Variants in SPRY3 observed in about 807,000 individuals in gnomAD.
SPRY3 encodes protein sprouty homolog 3.
Under a neutral mutation model 20.2 loss-of-function variants are expected in SPRY3, and 15 were observed. The observed-to-expected ratio is 0.74, with a 90% CI of 0.50 to 1.14. The LOEUF (loss-of-function observed/expected upper bound fraction) is 1.14. Among genes scored for constraint, SPRY3 ranks in the 50% most tolerant of loss-of-function variants. The pLI, the probability that SPRY3 is intolerant of heterozygous loss-of-function variation, is 0.00. For synonymous variants in SPRY3, 143 were observed against 136.5 expected (o/e 1.05, Z -0.33); for missense variants, 364 against 363.9 (o/e 1.00, Z 0.00).
chrX:155,674,975 G>A (rs2068054931), intron 2 of SPRY3, among the ~76,000 whole-genome samples: 2 of 111,484 alleles, frequency 1.8e-5, no homozygotes, highest in Non-Finnish European at 3.8e-5. Flanking sequence ...TGCCCTTATG[G>A]AGCTTATAAT....
intron 2 of SPRY3, among the ~76,000 whole-genome samples, chrX:155,747,535 C>T (rs1304410636): frequency 1.3e-5 from 2 of 151,902 alleles, no homozygotes; most frequent in African/African-American, 2.4e-5. Context: ...AAATATTGCC[C>T]ACTCTTTTAA....
intron 1 of SPRY3, among the ~76,000 whole-genome samples, chrX:155,652,386 T>C: frequency 9.0e-6 from 1 of 111,277 alleles, no homozygotes; most frequent in East Asian, 2.8e-4. Flanking sequence ...CCCACCTTCC[T>C]TCACCCCAGC....
chrX:155,746,698 G>T (rs1033476737), intron 2 of SPRY3, among the ~76,000 whole-genome samples: 1 of 151,896 alleles, frequency 6.6e-6, no homozygotes, highest in African/African-American at 2.4e-5. Context: ...TGCACATTGG[G>T]TACTCAAATT....
At chrX:155,748,424 A>G (rs1041358617) in intron 2 of SPRY3, among the ~76,000 whole-genome samples, 1 of 151,826 alleles carries the variant, frequency 6.6e-6, no homozygotes, top group Non-Finnish European at 1.5e-5. Flanking sequence ...GAGTGACTCT[A>G]CCAAGCAGGC....
At chrX:155,731,836 C>T (rs1333114101) in intron 2 of SPRY3, among the ~76,000 whole-genome samples, 3 of 151,674 alleles carry the variant, frequency 2.0e-5, no homozygotes, top group Non-Finnish European at 4.4e-5. Flanking sequence ...TCTTATTAGC[C>T]CTTTTCCCAT....
At chrX:155,734,665 CA>C (rs1042527707) in intron 2 of SPRY3, among the ~76,000 whole-genome samples, 3 of 151,592 alleles carry the variant, frequency 2.0e-5, no homozygotes, top group African/African-American at 7.3e-5. Context: ...CACAAACAAA[CA>C]AACAAAATCT....
chrX:155,767,919 G>GTT (rs1440604921), intron 2 of SPRY3, 43 bp from the exon 2 acceptor site: 1 of 127,892 alleles, frequency 7.8e-6, no homozygotes, highest in African/African-American at 2.5e-5. Context: ...GTTTTGTTTT[G>GTT]TTTTGTTTTG....
chrX:155,754,460 T>G (rs1020513921), intron 2 of SPRY3, among the ~76,000 whole-genome samples: 8 of 152,092 alleles, frequency 5.3e-5, no homozygotes, highest in Non-Finnish European at 1.0e-4. Flanking sequence ...ATGTATATCC[T>G]TATTCCAGTA....
chrX:155,628,758 A>G (rs1264065062), intron 1 of SPRY3, among the ~76,000 whole-genome samples: 1 of 111,786 alleles, frequency 8.9e-6, no homozygotes, highest in Admixed American at 9.4e-5. Flanking sequence ...CTTCCCACCA[A>G]CAGTGTGCCA....
chrX:155,670,670 A>T (rs2068037496), intron 2 of SPRY3, among the ~76,000 whole-genome samples: 1 of 111,433 alleles, frequency 9.0e-6, no homozygotes, highest in Non-Finnish European at 1.9e-5. Flanking sequence ...CTTTTGTCTG[A>T]CCTCTGCTTT....
chrX:155,729,876 A>C (rs976186261), intron 2 of SPRY3, among the ~76,000 whole-genome samples: 1 of 152,158 alleles, frequency 6.6e-6, no homozygotes, highest in Admixed American at 6.5e-5. Flanking sequence ...AGGAAATATC[A>C]CAACCAATAC....
intron 2 of SPRY3, among the ~76,000 whole-genome samples, chrX:155,685,513 G>T (rs1603135225): frequency 9.6e-6 from 1 of 104,665 alleles, no homozygotes; most frequent in East Asian, 3.1e-4. Flanking sequence ...TCCTCACCCA[G>T]GTATTAAGCC....
At chrX:155,700,431 T>C (rs1231695575) in intron 2 of SPRY3, among the ~76,000 whole-genome samples, 1 of 108,939 alleles carries the variant, frequency 9.2e-6, no homozygotes, top group African/African-American at 3.4e-5. Context: ...CACCTGGGTA[T>C]GTACTCAAAA....
chrX:155,711,794 G>A (rs1422008691), intron 2 of SPRY3, among the ~76,000 whole-genome samples: 1 of 150,464 alleles, frequency 6.6e-6, no homozygotes, highest in African/African-American at 2.4e-5. Flanking sequence ...TGCATCTTTA[G>A]GTTGTTTTTT....
chrX:155,769,278 G>A (rs1381844893), intron 3 of SPRY3, among the ~76,000 whole-genome samples: 1 of 152,176 alleles, frequency 6.6e-6, no homozygotes, highest in Non-Finnish European at 1.5e-5. Context: ...GAGGAGTTGA[G>A]TAGTGAGGAA....
At chrX:155,688,114 T>C (rs1225933010) in intron 2 of SPRY3, among the ~76,000 whole-genome samples, 1 of 92,811 alleles carries the variant, frequency 1.1e-5, no homozygotes, top group Non-Finnish European at 2.0e-5. Context: ...CAGCTCCCAC[T>C]TATAAGTGAG....
At chrX:155,670,314 C>T (rs1354398405) in intron 2 of SPRY3, among the ~76,000 whole-genome samples, 1 of 111,926 alleles carries the variant, frequency 8.9e-6, no homozygotes, top group Non-Finnish European at 1.9e-5. Flanking sequence ...CTCTCTAAGC[C>T]TATCAGTATC....
intron 2 of SPRY3, among the ~76,000 whole-genome samples, chrX:155,677,586 C>T (rs1305365349): frequency 9.0e-6 from 1 of 111,520 alleles, no homozygotes; most frequent in Non-Finnish European, 1.9e-5. Context: ...ACCTGTGGTG[C>T]AATATTAGGG....
At chrX:155,768,791 G>C (rs1289537741) in intron 3 of SPRY3, among the ~76,000 whole-genome samples, 5 of 152,198 alleles carry the variant, frequency 3.3e-5, no homozygotes, top group Non-Finnish European at 7.3e-5. Flanking sequence ...TTAGCCAATA[G>C]GCATTTGATA....
Sources: allele counts gnomAD v4.1 joint callset (sites outside exome capture counted in the v4.1 genomes callset), GRCh38; gene constraint gnomAD v4.1.1; transcripts MANE v1.5; gene names NCBI Gene and HGNC (gene_info 2026-07-23, HGNC 2026-07-21).